The following ATP11A variants were observed in gnomAD, a reference collection of about 807,000 sequenced individuals.
ATP11A encodes the protein ATPase phospholipid transporting 11A.
Under a neutral mutation model 154.4 loss-of-function variants are expected in ATP11A, and 81 were observed. The ratio of observed to expected loss-of-function variants is 0.52; its 90% CI spans 0.44 to 0.63. ATP11A has a LOEUF of 0.63. Among genes scored for constraint, ATP11A ranks in the 30% least tolerant of loss-of-function variants. The pLI is 0.00. For synonymous variants in ATP11A, 623 were observed against 585.9 expected (o/e 1.06, Z -0.91); for missense variants, 1,316 against 1,474.3 (o/e 0.89, Z 1.76).
chr13:112,857,761 A>G (rs1379049575), intron 20 of ATP11A, 57 bp from the exon 21 acceptor site: 4 of 1,406,036 alleles, frequency 2.8e-6, no homozygotes, highest in Non-Finnish European at 4.0e-6. Context: ...TAGTGAATGA[A>G]TAACCTGTTC....
At position 112,712,880 on chromosome 13, in the gene ATP11A, G is replaced by A. The variant is rs143106442; in HGVS notation, c.39+22425G>A. Among the ~76,000 whole-genome samples the A allele has an allele frequency of 5.1e-3, 770 of 152,340 alleles. 29 individuals carry two copies. The highest frequency in any genetic ancestry group is 0.041 in the Admixed American group (629 of 15,304). ...CTCTGGTGTTTGCTGAACACAAAGCGTATGAAAGTGGTAACACCTCGGAGG... is the reference window on the plus strand; with the variant it reads ...CTCTGGTGTTTGCTGAACACAAAGCATATGAAAGTGGTAACACCTCGGAGG... On this transcript the variant is annotated intron_variant, in intron 1 of 29. Coordinates refer to ENST00000375645, the MANE Select transcript of ATP11A (RefSeq NM_015205.3).
chr13:112,758,164 C>G (rs916375509), intron 1 of ATP11A, among the ~76,000 whole-genome samples: 3 of 151,788 alleles, frequency 2.0e-5, no homozygotes, highest in African/African-American at 7.3e-5. Context: ...CAGGTTCAAG[C>G]AATTCTCCTG....
In ATP11A at chr13:112,830,507, C is replaced by T. The variant is rs11841578; in HGVS notation, c.1222-868C>T. On this transcript the variant is annotated intron_variant, in intron 12 of 29. Coordinates refer to ENST00000375645, the MANE Select transcript of ATP11A (RefSeq NM_015205.3). ...ATGAGAATTGCTTGAACCTGGGAGACGGAGGTTGCAGTGAGCCGAGATCAT... is the reference window on the plus strand; with the variant it reads ...ATGAGAATTGCTTGAACCTGGGAGATGGAGGTTGCAGTGAGCCGAGATCAT... Among the ~76,000 whole-genome samples the T allele has an allele frequency of 2.9e-3, 440 of 152,064 alleles. 3 individuals are homozygous for T. The highest frequency in any genetic ancestry group is 9.3e-3 in the African/African-American group (385 of 41,474).
chr13:112,743,839 C>T (rs1891818995), intron 1 of ATP11A, among the ~76,000 whole-genome samples: 1 of 152,174 alleles, frequency 6.6e-6, no homozygotes, highest in Admixed American at 6.5e-5. Flanking sequence ...TTAGTATAGG[C>T]CCATCCACCA....
chr13:112,750,768 G>A (rs1041492910), intron 1 of ATP11A, among the ~76,000 whole-genome samples: 1 of 152,096 alleles, frequency 6.6e-6, no homozygotes, highest in Non-Finnish European at 1.5e-5. Context: ...AAGGTTGGAA[G>A]TGGAAGCTGC....
At chr13:112,867,799 G>A (rs1377211988) in intron 25 of ATP11A, among the ~76,000 whole-genome samples, 1 of 152,226 alleles carries the variant, frequency 6.6e-6, no homozygotes, top group Non-Finnish European at 1.5e-5. Context: ...AGTCCTAGTG[G>A]CTGACAGCCC....
intron 1 of ATP11A, among the ~76,000 whole-genome samples, chr13:112,749,538 AAGAAG>A (rs1457359833): frequency 3.9e-5 from 6 of 152,250 alleles, no homozygotes; most frequent in Admixed American, 3.3e-4. Flanking sequence ...GAACTCAGAA[AAGAAG>A]AGAAGACACA....
At position 112,854,371 on chromosome 13, in the gene ATP11A, C is replaced by T. The variant is rs139917817; in HGVS notation, c.2084C>T (p.Ala695Val). ...VLTGDKMETA[A>V]ATCYACKLFR... Reference sequence around the variant, plus strand: ...ACGGGAGACAAGATGGAGACGGCCGCGGCCACGTGCTACGCCTGCAAGCTC... The same window carrying T: ...ACGGGAGACAAGATGGAGACGGCCGTGGCCACGTGCTACGCCTGCAAGCTC... The change falls in exon 19 of 30, where the codon GCG (alanine) becomes GTG (valine). Residue 695 changes from alanine (A) to valine (V), a missense_variant. This residue lies in a region of ATP11A where 876 missense variants were observed against 1,006.8 expected (regional missense o/e 0.87). Transcript: ENST00000375645. 86 of 1,613,934 alleles carry T rather than the reference C, an allele frequency of 5.3e-5. No homozygotes were observed. Among genetic ancestry groups the T allele is most frequent in the Middle Eastern group, 3.3e-4 (2 of 6,082 alleles).
At chr13:112,735,870 T>C (rs1179352052) in intron 1 of ATP11A, among the ~76,000 whole-genome samples, 1 of 152,206 alleles carries the variant, frequency 6.6e-6, no homozygotes, top group African/African-American at 2.4e-5. Context: ...ACCTGACTTT[T>C]CCGAGGTGCA....
At chr13:112,767,849 G>T (rs1386998123) in intron 1 of ATP11A, among the ~76,000 whole-genome samples, 1 of 152,108 alleles carries the variant, frequency 6.6e-6, no homozygotes, top group Non-Finnish European at 1.5e-5. Context: ...TCACCTGCTC[G>T]GTGGCAGTGC....
Position 112,830,919 on chromosome 13 carries a change from G to A in ATP11A, c.1222-456G>A, listed in dbSNP as rs181210151. 3.3e-5 allele frequency among the ~76,000 whole-genome samples: 5 copies of A among 152,226 alleles called. No individual in the cohort carries two copies. The East Asian group carries it at 9.7e-4, about 29-fold the overall frequency. On this transcript the variant is annotated intron_variant, in intron 12 of 29. Transcript: ENST00000375645. Reference sequence around the variant, plus strand: ...CTTCTCAACCTTACATGGTATTGTAGGTTTTGACCTCCAAGACTGTATAGA... The same window carrying A: ...CTTCTCAACCTTACATGGTATTGTAAGTTTTGACCTCCAAGACTGTATAGA...
chr13:112,873,869 G>A (rs1228150144), intron 27 of ATP11A, among the ~76,000 whole-genome samples, 193 bp downstream of exon 27: 8 of 152,102 alleles, frequency 5.3e-5, no homozygotes, highest in African/African-American at 1.7e-4. Context: ...TTCCTGCTCC[G>A]GTGACTTGCA....
chr13:112,747,067 T>TA (rs976649335), intron 1 of ATP11A: 8 of 151,666 alleles, frequency 5.3e-5, no homozygotes, highest in African/African-American at 1.9e-4. Flanking sequence ...ATGGAACAGG[T>TA]AGAGGGTGTT....
At chr13:112,850,035 C>A (rs915672193) in intron 17 of ATP11A, among the ~76,000 whole-genome samples, 3 of 152,228 alleles carry the variant, frequency 2.0e-5, no homozygotes, top group African/African-American at 7.2e-5. Flanking sequence ...CCTTTCCCAA[C>A]TTCTGGCTTT....
At chr13:112,759,948 C>T (rs994329555) in intron 1 of ATP11A, among the ~76,000 whole-genome samples, 1 of 152,132 alleles carries the variant, frequency 6.6e-6, no homozygotes, top group Non-Finnish European at 1.5e-5. Context: ...ACCACCTTGT[C>T]GAATCGATGT....
chr13:112,756,054 C>A (rs1471925354), intron 1 of ATP11A, among the ~76,000 whole-genome samples: 1 of 152,222 alleles, frequency 6.6e-6, no homozygotes, highest in Non-Finnish European at 1.5e-5. Flanking sequence ...AAGCGTCACT[C>A]AGAGCAGATT....
At chr13:112,865,031 G>A (rs527806585) in intron 25 of ATP11A, among the ~76,000 whole-genome samples, 1 of 147,806 alleles carries the variant, frequency 6.8e-6, no homozygotes, top group African/African-American at 2.5e-5. Flanking sequence ...CACCACGTGC[G>A]CAATAATTCA....
rs112111879 is a variant in ATP11A at position 112,754,063 on chromosome 13, A to G, written c.40-31072A>G. Reference sequence around the variant, plus strand: ...GCGTCGCTGTCTCACCGTGGTCCCCAGTGTTTTGGGATTGAGGAGGGGTTC... The same window carrying G: ...GCGTCGCTGTCTCACCGTGGTCCCCGGTGTTTTGGGATTGAGGAGGGGTTC... On this transcript the variant is annotated intron_variant, in intron 1 of 29. Transcript: ENST00000375645. This position sits in a 1 kb window ranked among gnomAD's most constrained non-coding sequence, Gnocchi z 5.3. Among the ~76,000 whole-genome samples, 2,113 of 152,228 alleles carry G rather than the reference A, an allele frequency of 0.014. 45 individuals carry two copies. Among genetic ancestry groups the G allele is most frequent in the African/African-American group, 0.04 (1,645 of 41,530 alleles).
chr13:112,785,235 A>G lies in ATP11A; in HGVS notation c.140A>G (p.Asp47Gly). Residue 47 changes from aspartate to glycine, a missense_variant, in exon 2 of 30, where the codon GAC becomes GGC. Asp to Gly is a moderately conservative substitution (Grantham distance 94). Transcript: ENST00000375645. This position sits in a 1 kb window ranked among gnomAD's most constrained non-coding sequence, Gnocchi z 4.8. The stretch of plus-strand genomic sequence containing the variant: ...GCCTACATCCCACAGAGATACCCAG[A>G]CAACAGGATCGTCTCGTCCAAGGTA... ...AEAYIPQRYP[D>G]NRIVSSKYTF... 1 of 1,548,748 alleles carries G rather than the reference A, an allele frequency of 6.5e-7. No individual in the cohort carries two copies. The highest frequency in any genetic ancestry group is 8.7e-7 in the Non-Finnish European group (1 of 1,148,828).
Sources: allele counts gnomAD v4.1 joint callset (sites outside exome capture counted in the v4.1 genomes callset), GRCh38; gene constraint gnomAD v4.1.1; regional missense constraint gnomAD v4.1.1; non-coding constraint Gnocchi (gnomAD v3.1); transcripts MANE v1.5; gene names NCBI Gene and HGNC (gene_info 2026-07-23, HGNC 2026-07-21).